Variants in KRT8 observed in about 807,000 individuals in gnomAD.
KRT8 encodes the protein keratin 8, also known as keratin, type II cytoskeletal 8.
A neutral mutation model predicts 43.0 loss-of-function variants in KRT8; 24 were observed. That is an observed-to-expected ratio of 0.56 (90% confidence interval 0.40 to 0.78). The LOEUF is 0.78. Among genes scored for constraint, KRT8 ranks in the 30% least tolerant of loss-of-function variants. KRT8 has a pLI of 0.00. For synonymous variants in KRT8, 214 were observed against 261.2 expected (o/e 0.82, Z 1.74); for missense variants, 492 against 638.4 (o/e 0.77, Z 2.47).
At chr12:52,928,234 A>C (rs1260505378) in intron 2 of KRT8, among the ~76,000 whole-genome samples, 1 of 152,198 alleles carries the variant, frequency 6.6e-6, no homozygotes, top group African/African-American at 2.4e-5. Context: ...AGAGCAGAAG[A>C]GTGTGTCTCC....
At chr12:52,907,554 G>C (rs1403734313), upstream of KRT8, among the ~76,000 whole-genome samples, 1 of 152,214 alleles carries the variant, frequency 6.6e-6, no homozygotes, top group African/African-American at 2.4e-5. Flanking sequence ...TTCTAGGAGT[G>C]TCCCTTGTTT....
At position 52,904,809 on chromosome 12, in the gene KRT8, C is replaced by T. The variant is rs536780728; in HGVS notation, c.173G>A (p.Ser58Asn). The change falls in exon 1 of 8, where the codon AGC (serine) becomes AAC (asparagine). Residue 58 changes from serine (S) to asparagine (N), a missense_variant. Physicochemically the swap from Ser to Asn is conservative, Grantham distance 46. Around this residue, in one of 3 missense-constraint regions of KRT8, gnomAD observed 84 missense variants for 97.6 expected, o/e 0.86. Coordinates refer to ENST00000692008, the Ensembl canonical transcript of KRT8. ...AACTGCGGTGATGCCTCCCATGCCG[C>T]TGGCCCCACCATAGCCGCCGCCCAG... is the stretch of plus-strand genomic sequence containing the variant. The T allele has an allele frequency of 4.3e-6, 7 of 1,612,382 alleles. No homozygotes were observed. In the African/African-American group the frequency reaches 6.7e-5, roughly 15 times the overall value.
chr12:52,911,026 A>T (rs1941626460), upstream of KRT8, among the ~76,000 whole-genome samples: 1 of 152,126 alleles, frequency 6.6e-6, no homozygotes, highest in Non-Finnish European at 1.5e-5. Context: ...CCTTTGACCA[A>T]GGCAAGGTAT....
chr12:52,903,015 C>A (rs543316639), intron 1 of KRT8, among the ~76,000 whole-genome samples: 7 of 152,084 alleles, frequency 4.6e-5, no homozygotes, highest in African/African-American at 1.7e-4. Context: ...CTGTCTCAAA[C>A]AAACAAAAAA....
chr12:52,918,073 A>AGAG (rs372632283), intron 2 of KRT8, among the ~76,000 whole-genome samples: 2,629 of 41,882 alleles, frequency 0.063, 160 homozygotes, highest in South Asian at 0.11. Context: ...GAGAAGAAGA[A>AGAG]GAGGAGGAGG....
intron 5 of KRT8, 181 bp from the exon 6 acceptor site, chr12:52,899,080 C>G (rs537582618): frequency 3.2e-6 from 2 of 629,810 alleles, no homozygotes; most frequent in Admixed American, 2.3e-5. Context: ...TTTGGGAGGC[C>G]GAGGCGGGCA....
At chr12:52,901,046 G>T in intron 3 of KRT8, 113 bp downstream of exon 3, 1 of 820,672 alleles carries the variant, frequency 1.2e-6, no homozygotes, top group East Asian at 2.4e-5. Context: ...TTACATAAAT[G>T]AGTTTGTCCC....
chr12:52,943,822 C>G (rs932277251), intron 2 of KRT8, among the ~76,000 whole-genome samples: 2 of 152,254 alleles, frequency 1.3e-5, no homozygotes, highest in Non-Finnish European at 2.9e-5. Flanking sequence ...CTGGCAGAAC[C>G]TGCCCAGCCT....
chr12:52,909,153 A>G (rs1350015198), upstream of KRT8, among the ~76,000 whole-genome samples: 1 of 152,232 alleles, frequency 6.6e-6, no homozygotes. Context: ...AGTTGTAACA[A>G]AAAGATAACC....
chr12:52,924,943 T>C (rs1205780324), intron 2 of KRT8, among the ~76,000 whole-genome samples: 1 of 152,140 alleles, frequency 6.6e-6, no homozygotes, highest in Non-Finnish European at 1.5e-5. Context: ...CAAGGAGTCA[T>C]TGGAGCAGAA....
intron 2 of KRT8, among the ~76,000 whole-genome samples, chr12:52,936,563 A>G (rs1942172937): frequency 1.3e-5 from 2 of 152,054 alleles, no homozygotes; most frequent in Non-Finnish European, 2.9e-5. Flanking sequence ...CCCAGGCTGG[A>G]GTGCAATGGC....
intron 2 of KRT8, among the ~76,000 whole-genome samples, chr12:52,912,883 T>A (rs193084705): frequency 6.6e-6 from 1 of 152,310 alleles, no homozygotes; most frequent in Admixed American, 6.5e-5. Flanking sequence ...TCATAGCCAC[T>A]TAGCACAGGC....
intron 2 of KRT8, among the ~76,000 whole-genome samples, chr12:52,924,439 A>G (rs1233241570): frequency 5.1e-5 from 7 of 137,132 alleles, no homozygotes; most frequent in Non-Finnish European, 9.6e-5. Flanking sequence ...ACAGAGGGAG[A>G]CTCCGTCTCA....
At chr12:52,917,412 G>GA (rs1479686928) in intron 2 of KRT8, among the ~76,000 whole-genome samples, 2 of 146,862 alleles carry the variant, frequency 1.4e-5, no homozygotes, top group Admixed American at 6.8e-5. Context: ...AAAAAAAAAA[G>GA]AAAAAAAAGA....
intron 2 of KRT8, among the ~76,000 whole-genome samples, chr12:52,914,138 G>T (rs1197824033): frequency 6.6e-6 from 1 of 151,942 alleles, no homozygotes; most frequent in Non-Finnish European, 1.5e-5. Flanking sequence ...CAGGAGAATC[G>T]CTTGAACCCA....
chr12:52,938,170 A>ATATATATATAT (rs1555189967), intron 2 of KRT8, among the ~76,000 whole-genome samples: 31 of 30,272 alleles, frequency 1.0e-3, no homozygotes, highest in Non-Finnish European at 1.2e-3. Flanking sequence ...ATATATATAT[A>ATATATATATAT]TTTTTTTTTT....
chr12:52,906,699 G>T (rs1317192359), upstream of KRT8: 1 of 455,828 alleles, frequency 2.2e-6, no homozygotes, highest in Admixed American at 2.4e-5. Flanking sequence ...GTGATGTGGG[G>T]ACTGGATGAA....
At chr12:52,899,679 C>A in intron 5 of KRT8, 96 bp downstream of exon 5, 1 of 1,133,712 alleles carries the variant, frequency 8.8e-7, no homozygotes, top group South Asian at 1.4e-5. Flanking sequence ...GTCTAGGATT[C>A]CTTCCCCGAC....
chr12:52,897,539 C>T (rs758604535), exon 8 of KRT8: 6 of 1,597,596 alleles, frequency 3.8e-6, no homozygotes, highest in East Asian at 2.2e-5. Context: ...AGCTGGAGCC[C>T]GCGCCAGAGC....
Sources: allele counts gnomAD v4.1 joint callset (sites outside exome capture counted in the v4.1 genomes callset), GRCh38; gene constraint gnomAD v4.1.1; regional missense constraint gnomAD v4.1.1; transcripts MANE v1.5; gene names NCBI Gene and HGNC (gene_info 2026-07-23, HGNC 2026-07-21).